Variants in IBTK observed in about 807,000 individuals in gnomAD.
IBTK encodes BTK-binding protein.
IBTK carries 83 observed loss-of-function variants against 154.9 expected under a neutral mutation model. That is an observed-to-expected ratio of 0.54 (90% confidence interval 0.45 to 0.64). The LOEUF is 0.64. Among genes scored for constraint, IBTK ranks in the 30% least tolerant of loss-of-function variants. IBTK has a pLI of 0.00. For synonymous variants in IBTK, 515 were observed against 536.1 expected (o/e 0.96, Z 0.54); for missense variants, 1,332 against 1,584.6 (o/e 0.84, Z 2.71).
chr6:82,223,519 C>T lies in IBTK; in HGVS notation c.1045G>A (p.Asp349Asn), dbSNP rs761085862. Residue 349 changes from aspartate to asparagine, a missense_variant, in exon 8 of 29, where the codon GAT (aspartate) becomes AAT (asparagine). Around this residue, in one of 3 missense-constraint regions of IBTK, gnomAD observed 1,134 missense variants for 1,274.7 expected, o/e 0.89. Coordinates refer to ENST00000306270, the MANE Select transcript of IBTK (RefSeq NM_015525.4). ...DIALSLVAAS[D>N]GATVCVTTRG... ...GTGGTAACACAGACTGTAGCTCCAT[C>T]ACTTGCAGCAACCAAAGACAGAGCA... 4.3e-6 allele frequency: 7 copies of T among 1,614,120 alleles called. No individual in the cohort carries two copies. The South Asian group carries it at 6.6e-5, about 15-fold the overall frequency.
intron 8 of IBTK, among the ~76,000 whole-genome samples, chr6:82,222,169 CAAA>C (rs57962676): frequency 7.1e-5 from 7 of 98,462 alleles, no homozygotes; most frequent in Admixed American, 2.2e-4. Flanking sequence ...GACAATGTCT[CAAA>C]AAAAAAAAAA....
Position 82,194,895 on chromosome 6 carries a change from A to T in IBTK, c.3175-253T>A, listed in dbSNP as rs547484254. 5.3e-5 allele frequency among the ~76,000 whole-genome samples: 8 copies of T among 152,322 alleles called. No homozygotes were observed. In the East Asian group the frequency reaches 1.5e-3, roughly 29 times the overall value. ...TTAGGGAAACTAGTTTGCATATTAA[A>T]TCTCTACACAAATAGTTAACATGTA... is the stretch of plus-strand genomic sequence containing the variant. On this transcript the variant is annotated intron_variant, in intron 22 of 28. Transcript: ENST00000306270.
intron 22 of IBTK, 51 bp from the exon 23 acceptor site, chr6:82,194,693 C>A (rs748971137): frequency 2.4e-6 from 3 of 1,271,220 alleles, no homozygotes; most frequent in Admixed American, 2.5e-5. Context: ...AGAACAGTAA[C>A]TAACACATAG....
At chr6:82,245,443 A>G (rs1771107817) in intron 1 of IBTK, among the ~76,000 whole-genome samples, 1 of 152,092 alleles carries the variant, frequency 6.6e-6, no homozygotes, top group Non-Finnish European at 1.5e-5. Context: ...TGTAGTCCCA[A>G]CTACTCTGGA....
At chr6:82,172,223 A>G (rs1185813989) in intron 28 of IBTK, among the ~76,000 whole-genome samples, 157 bp downstream of exon 28, 1 of 152,212 alleles carries the variant, frequency 6.6e-6, no homozygotes, top group Non-Finnish European at 1.5e-5. Context: ...ACTAATACAT[A>G]CACTGCTAGA....
At chr6:82,228,778 C>T (rs1299634523) in intron 4 of IBTK, among the ~76,000 whole-genome samples, 3 of 151,990 alleles carry the variant, frequency 2.0e-5, no homozygotes, top group Admixed American at 6.6e-5. Context: ...CCCGCCACCA[C>T]GCCTGGCTAA....
chr6:82,179,924 T>G (rs541222929), intron 26 of IBTK, among the ~76,000 whole-genome samples: 15 of 152,220 alleles, frequency 9.9e-5, no homozygotes, highest in Admixed American at 2.0e-4. Context: ...TGGGAAGCAT[T>G]AAGATAAAAG....
At chr6:82,190,966 GA>G in intron 25 of IBTK, 106 bp downstream of exon 25, 1 of 780,776 alleles carries the variant, frequency 1.3e-6, no homozygotes, top group Admixed American at 3.9e-5. Context: ...TAAAATACTT[GA>G]AAAGACTTTA....
intron 25 of IBTK, among the ~76,000 whole-genome samples, chr6:82,187,904 A>C (rs909991870): frequency 1.3e-4 from 20 of 152,190 alleles, no homozygotes; most frequent in African/African-American, 4.3e-4. Flanking sequence ...AAGTCTATAC[A>C]CTAAATGTGA....
intron 23 of IBTK, among the ~76,000 whole-genome samples, chr6:82,193,005 G>A (rs1362290482): frequency 6.6e-6 from 1 of 151,716 alleles, no homozygotes; most frequent in Non-Finnish European, 1.5e-5. Context: ...GGTTGAGGCA[G>A]GAGAATCGTT....
intron 22 of IBTK, among the ~76,000 whole-genome samples, chr6:82,195,104 C>T (rs1768930855): frequency 6.6e-6 from 1 of 152,078 alleles, no homozygotes; most frequent in African/African-American, 2.4e-5. Context: ...AAAACTACTG[C>T]TATTGTAATA....
rs1194072976 is a variant in IBTK, at chr6:82,173,384, T to C, written c.3780A>G (p.Pro1260=). Residue 1260 remains proline (P), a synonymous_variant, in exon 27 of 29, where the codon CCA becomes CCG. Coordinates refer to ENST00000306270, the MANE Select transcript of IBTK (RefSeq NM_015525.4). Reference sequence around the variant, plus strand: ...AACCTTACTTGGGACTGTCTAGAAGTGGTAAATCTGAAATATGGTTGCCTT... The same window carrying C: ...AACCTTACTTGGGACTGTCTAGAAGCGGTAAATCTGAAATATGGTTGCCTT... ...GPEGNHISDL[P]LLDSPNPWLS... is the part of the protein sequence containing the mutation. 1 of 1,613,200 alleles carries C rather than the reference T, an allele frequency of 6.2e-7. No homozygotes were observed. Among genetic ancestry groups the C allele is most frequent in the Non-Finnish European group, 8.5e-7 (1 of 1,179,298 alleles).
chr6:82,247,562 C>T lies in IBTK; in HGVS notation c.-358G>A. ...CGGGCAGCGCCAAGCCCTCCCTCAC[C>T]AGTCGCTAGATGAAACTGCGCCGGT... is the stretch of plus-strand genomic sequence containing the variant. On this transcript the variant is annotated splice_region_variant and 5_prime_UTR_variant, in exon 1 of 29. Coordinates refer to ENST00000306270, the MANE Select transcript of IBTK (RefSeq NM_015525.4). The T allele has an allele frequency of 2.5e-6, 1 of 398,992 alleles. No individual in the cohort carries two copies. The highest frequency in any genetic ancestry group is 4.4e-6 in the Non-Finnish European group (1 of 226,350). 24.7% of individuals were successfully genotyped at this position (398,992 alleles called of 1,614,324 possible).
intron 21 of IBTK, 68 bp downstream of exon 21, chr6:82,200,073 G>A (rs917953593): frequency 1.5e-5 from 14 of 957,734 alleles, no homozygotes; most frequent in Admixed American, 2.1e-5. Flanking sequence ...AGTAGCCCCA[G>A]CAGATGACAT....
intron 22 of IBTK, among the ~76,000 whole-genome samples, chr6:82,195,200 T>C (rs1386481428): frequency 6.6e-6 from 1 of 152,152 alleles, no homozygotes; most frequent in Admixed American, 6.5e-5. Context: ...ACCCTGAGCC[T>C]TCCTTTAAAC....
intron 1 of IBTK, among the ~76,000 whole-genome samples, chr6:82,246,907 T>C (rs1366939130): frequency 6.6e-6 from 1 of 152,194 alleles, no homozygotes; most frequent in Admixed American, 6.5e-5. Context: ...TACATGAATC[T>C]CTGGCTAACA....
At chr6:82,177,705 C>T (rs1270925211) in intron 26 of IBTK, among the ~76,000 whole-genome samples, 8 of 152,066 alleles carry the variant, frequency 5.3e-5, no homozygotes, top group Admixed American at 2.0e-4. Flanking sequence ...TGAGCCACCA[C>T]GCCCGGCCTA....
intron 9 of IBTK, 24 bp downstream of exon 9, chr6:82,220,566 A>G: frequency 6.3e-7 from 1 of 1,581,728 alleles, no homozygotes; most frequent in Non-Finnish European, 8.6e-7. Flanking sequence ...GTAAGATTAC[A>G]CTTTTACATA....
At chr6:82,226,604 G>GTTT (rs201331625) in intron 5 of IBTK, among the ~76,000 whole-genome samples, 6 of 144,958 alleles carry the variant, frequency 4.1e-5, no homozygotes, top group Admixed American at 6.9e-5. Context: ...CTTCTTTTTT[G>GTTT]TTTTTTTTTT....
Sources: allele counts gnomAD v4.1 joint callset (sites outside exome capture counted in the v4.1 genomes callset), GRCh38; gene constraint gnomAD v4.1.1; regional missense constraint gnomAD v4.1.1; transcripts MANE v1.5; gene names NCBI Gene and HGNC (gene_info 2026-07-23, HGNC 2026-07-21).